GRB10: variants seen among roughly 807,000 people sequenced by gnomAD.
The protein encoded by GRB10 is growth factor receptor bound protein 10.
In GRB10, 20 loss-of-function variants were observed where a neutral mutation model predicts 80.9. The observed-to-expected ratio is 0.25, with a 90% CI of 0.17 to 0.36. The LOEUF (loss-of-function observed/expected upper bound fraction) is 0.36, where lower values mean the gene tolerates loss of function less well. Among genes scored for constraint, GRB10 ranks in the 10% least tolerant of loss-of-function variants. The probability of loss-of-function intolerance (pLI) is 1.00; values close to 1 mark genes in which losing one functional copy is unlikely to be tolerated. For synonymous variants in GRB10, 291 were observed against 291.5 expected, an observed-to-expected ratio of 1.00 and a Z score of 0.02; for missense variants, 548 against 747.7, an observed-to-expected ratio of 0.73 and a Z score of 3.12.
At chr7:50,783,471 C>CATAT (rs1554322314), upstream of GRB10, among the ~76,000 whole-genome samples, 71 of 149,318 alleles carry the variant, frequency 4.8e-4, 1 homozygote, top group Middle Eastern at 6.9e-3. Flanking sequence ...CCCACCCACT[C>CATAT]ACATACATAC....
chr7:50,612,432 T>C (rs1378488127), intron 13 of GRB10, among the ~76,000 whole-genome samples: 1 of 152,150 alleles, frequency 6.6e-6, no homozygotes, highest in Non-Finnish European at 1.5e-5. Flanking sequence ...AGACCAGGTA[T>C]GCCACACATC....
chr7:50,660,617 G>A (rs191075261), intron 7 of GRB10, among the ~76,000 whole-genome samples: 177 of 152,270 alleles, frequency 1.2e-3, no homozygotes, highest in Non-Finnish European at 3.7e-4. Flanking sequence ...GTGGCCTCTC[G>A]GTGCAGACGG....
intron 7 of GRB10, among the ~76,000 whole-genome samples, chr7:50,646,784 C>T (rs2057264348): frequency 1.3e-5 from 2 of 152,182 alleles, no homozygotes; most frequent in African/African-American, 4.8e-5. Context: ...AGGCCTTTTT[C>T]TCCAGAAAAG....
At chr7:50,656,860 TC>T (rs2058703306) in intron 7 of GRB10, among the ~76,000 whole-genome samples, 1 of 152,186 alleles carries the variant, frequency 6.6e-6, no homozygotes, top group African/African-American at 2.4e-5. Flanking sequence ...GCAACACACA[TC>T]CTGAGCTATA....
At chr7:50,659,032 G>A (rs1346521642) in intron 7 of GRB10, among the ~76,000 whole-genome samples, 1 of 152,164 alleles carries the variant, frequency 6.6e-6, no homozygotes, top group Non-Finnish European at 1.5e-5. Flanking sequence ...ATAATCATGG[G>A]CAATTTAGCA....
At position 50,790,287 on chromosome 7, in the gene GRB10, C is replaced by T. The variant is rs761785078; in HGVS notation, c.-294+2937G>A. On this transcript the variant is annotated intron_variant, in intron 1 of 16. Coordinates refer to the GRB10 transcript ENST00000335866. ...CCTAGAACTCCAAAGTACCTGTCTG[C>T]CAAGTCTCACCCACCAAGTAGTTGG... Among the ~76,000 whole-genome samples, 72 of 152,204 alleles carry T rather than the reference C, an allele frequency of 4.7e-4. 1 individual carries two copies. Among genetic ancestry groups the T allele is most frequent in the Non-Finnish European group, 9.3e-4 (63 of 68,044 alleles).
intron 17 of GRB10, among the ~76,000 whole-genome samples, chr7:50,598,164 A>G (rs1424594735): frequency 6.6e-6 from 1 of 152,214 alleles, no homozygotes; most frequent in East Asian, 1.9e-4. Flanking sequence ...GCACCCAGCC[A>G]GAATAACTCT....
chr7:50,717,450 AGTGT>A (rs10559456), intron 4 of GRB10, among the ~76,000 whole-genome samples: 1 of 151,524 alleles, frequency 6.6e-6, no homozygotes, highest in African/African-American at 2.4e-5. Context: ...AAGCTTGAAG[AGTGT>A]GTGTGTGTGT....
chr7:50,716,147 A>G (rs1008985328), intron 4 of GRB10, among the ~76,000 whole-genome samples: 1 of 152,184 alleles, frequency 6.6e-6, no homozygotes, highest in African/African-American at 2.4e-5. Context: ...AATGAAGGAG[A>G]CAGAGCCATC....
intron 5 of GRB10, among the ~76,000 whole-genome samples, chr7:50,690,893 C>T (rs1017546168): frequency 5.9e-5 from 9 of 152,184 alleles, no homozygotes; most frequent in Non-Finnish European, 1.3e-4. Flanking sequence ...ATGGGGAAGG[C>T]GAAGGCCCAG....
intron 2 of GRB10, among the ~76,000 whole-genome samples, chr7:50,777,254 G>A (rs1205677087): frequency 6.6e-6 from 1 of 152,122 alleles, no homozygotes; most frequent in Admixed American, 6.5e-5. Flanking sequence ...TGGAAGAGCA[G>A]AAGAGAGCAA....
intron 7 of GRB10, among the ~76,000 whole-genome samples, chr7:50,649,104 C>T (rs551542841): frequency 8.2e-4 from 124 of 152,138 alleles, no homozygotes; most frequent in African/African-American, 2.9e-3. Flanking sequence ...CGTCCTTGTA[C>T]TCGTCTGCCT....
chr7:50,783,366 C>T (rs970234735), upstream of GRB10, among the ~76,000 whole-genome samples: 1 of 152,060 alleles, frequency 6.6e-6, no homozygotes, highest in African/African-American at 2.4e-5. Flanking sequence ...AGGGAAAGAA[C>T]AGATCCTATA....
Position 50,618,340 on chromosome 7 carries a change from C to G in GRB10, c.778-201G>C, listed in dbSNP as rs1009971194. Among the ~76,000 whole-genome samples the G allele has an allele frequency of 5.9e-5, 9 of 152,164 alleles. No individual in the cohort carries two copies. The South Asian group carries it at 1.7e-3, about 28-fold the overall frequency. On this transcript the variant is annotated intron_variant, in intron 9 of 18. Transcript: ENST00000401949. ...AGGTTGTATTTTGTTTCCTGAAATG[C>G]TGGGTACTAGTGTGGAATACCAACT...
intron 1 of GRB10, among the ~76,000 whole-genome samples, chr7:50,792,264 C>T (rs982194791): frequency 4.6e-5 from 7 of 151,152 alleles, no homozygotes; most frequent in Middle Eastern, 6.9e-3. Context: ...TTGAATGAAA[C>T]TGGGCACCAA....
At chr7:50,653,025 C>A (rs2058174987) in intron 7 of GRB10, among the ~76,000 whole-genome samples, 1 of 152,186 alleles carries the variant, frequency 6.6e-6, no homozygotes, top group African/African-American at 2.4e-5. Flanking sequence ...ATTTTTGTCC[C>A]CTCTCATGTA....
chr7:50,793,012 G>C (rs2079000856), intron 1 of GRB10: 1 of 142,324 alleles, frequency 7.0e-6, no homozygotes. Flanking sequence ...CCGCCTCCGA[G>C]CACCGCCCGC....
At chr7:50,600,886 A>G (rs1415455452) in intron 17 of GRB10, among the ~76,000 whole-genome samples, 3 of 152,204 alleles carry the variant, frequency 2.0e-5, no homozygotes, top group African/African-American at 7.2e-5. Flanking sequence ...CTTCCACCCC[A>G]CAGCCCCACT....
chr7:50,723,772 G>A (rs928151696), intron 4 of GRB10, among the ~76,000 whole-genome samples: 3 of 152,198 alleles, frequency 2.0e-5, no homozygotes, highest in African/African-American at 7.2e-5. Flanking sequence ...ATGCCTCCTG[G>A]GCTGGCTCAC....
Sources: gnomAD v4.1 joint callset for allele counts (sites outside exome capture counted in the v4.1 genomes callset) on GRCh38, gnomAD v4.1.1 for gene constraint, MANE v1.5 for transcripts, NCBI Gene and HGNC (gene_info 2026-07-23, HGNC 2026-07-21) for gene names.